SAMD5: variants seen among roughly 807,000 people sequenced by gnomAD.
The protein encoded by SAMD5 is sterile alpha motif domain-containing protein 5.
A neutral mutation model predicts 11.3 loss-of-function variants in SAMD5; 13 were observed. The observed-to-expected ratio is 1.15, with a 90% CI of 0.75 to 1.83. SAMD5 has a LOEUF of 1.83. Among genes scored for constraint, SAMD5 ranks in the 40% most tolerant of loss-of-function variants. The probability of loss-of-function intolerance (pLI) is 0.00; values close to 1 mark genes in which losing one functional copy is unlikely to be tolerated. For missense variants in SAMD5, 255 were observed against 239.1 expected (o/e 1.07, Z -0.44); for synonymous variants, 129 against 111.3 (o/e 1.16, Z -1.00).
the SAMD5 span, among the ~76,000 whole-genome samples, chr6:147,891,270 A>T: frequency 6.6e-6 from 1 of 152,336 alleles, no homozygotes; most frequent in Admixed American, 6.5e-5. Flanking sequence ...AGAATAGTCT[A>T]TGTATTATTT....
intron 1 of SAMD5, among the ~76,000 whole-genome samples, chr6:147,638,217 A>G (rs548066652): frequency 6.6e-6 from 1 of 152,268 alleles, no homozygotes; most frequent in East Asian, 1.9e-4. Flanking sequence ...CTGAAAATGC[A>G]TTGCTTCTCG....
chr6:147,715,509 C>G (rs1791453565), intron 1 of SAMD5, among the ~76,000 whole-genome samples: 3 of 151,836 alleles, frequency 2.0e-5, no homozygotes, highest in Non-Finnish European at 4.4e-5. Context: ...CAGGAGCTGC[C>G]TTGTTCAGGG....
At chr6:147,800,597 C>T in the SAMD5 span, among the ~76,000 whole-genome samples, 4 of 152,210 alleles carry the variant, frequency 2.6e-5, no homozygotes, top group African/African-American at 4.8e-5. Context: ...TGGGCTCCAC[C>T]CAGTTCGAGC....
the SAMD5 span, among the ~76,000 whole-genome samples, chr6:147,826,241 T>C: frequency 2.0e-5 from 3 of 152,238 alleles, no homozygotes; most frequent in African/African-American, 7.2e-5. Flanking sequence ...GAGCTTTCTA[T>C]TGAGTTTAGT....
chr6:147,680,250 T>C (rs112526627), intron 1 of SAMD5, among the ~76,000 whole-genome samples: 2,090 of 152,224 alleles, frequency 0.014, 46 homozygotes, highest in African/African-American at 0.048. Flanking sequence ...AGGTCTTGCT[T>C]ATTTTTTGTC....
chr6:147,682,836 T>C (rs1429151532), intron 1 of SAMD5, among the ~76,000 whole-genome samples: 2 of 152,204 alleles, frequency 1.3e-5, no homozygotes, highest in Admixed American at 1.3e-4. Context: ...GTTTCTTATA[T>C]ATTTTGAGAC....
the SAMD5 span, among the ~76,000 whole-genome samples, chr6:147,767,610 GCTCT>G: frequency 6.6e-6 from 1 of 152,082 alleles, no homozygotes; most frequent in African/African-American, 2.4e-5. Flanking sequence ...GGGCATGAGA[GCTCT>G]CTCTCTCCAT....
intron 1 of SAMD5, among the ~76,000 whole-genome samples, chr6:147,578,101 T>C (rs914080214): frequency 1.3e-5 from 2 of 152,180 alleles, no homozygotes; most frequent in African/African-American, 2.4e-5. Context: ...AAGTTATATA[T>C]AGTAGAGAGA....
the SAMD5 span, among the ~76,000 whole-genome samples, chr6:147,841,822 T>C: frequency 6.6e-6 from 1 of 152,178 alleles, no homozygotes; most frequent in Non-Finnish European, 1.5e-5. Context: ...AGCACCTCAG[T>C]AGGCAATTTC....
intron 1 of SAMD5, among the ~76,000 whole-genome samples, chr6:147,721,225 G>T (rs1372600774): frequency 3.4e-5 from 5 of 148,954 alleles, no homozygotes; most frequent in East Asian, 4.0e-4. Flanking sequence ...GTAATGGGAT[G>T]GCTGGGTCAA....
chr6:147,538,963 T>C (rs549435530), intron 1 of SAMD5, among the ~76,000 whole-genome samples: 3 of 152,180 alleles, frequency 2.0e-5, no homozygotes, highest in Non-Finnish European at 4.4e-5. Context: ...ACAACACATA[T>C]ACATACAGGC....
the SAMD5 span, among the ~76,000 whole-genome samples, chr6:147,893,445 G>T: frequency 1.3e-5 from 2 of 152,106 alleles, no homozygotes; most frequent in African/African-American, 4.8e-5. Context: ...TTATTATATA[G>T]AAATTTAAAA....
chr6:147,800,400 C>T, the SAMD5 span, among the ~76,000 whole-genome samples: 2 of 152,010 alleles, frequency 1.3e-5, no homozygotes, highest in African/African-American at 2.4e-5. Context: ...GGGTCAGGGA[C>T]CCACTTGAGG....
chr6:147,532,001 A>C (rs1393961077), intron 1 of SAMD5, among the ~76,000 whole-genome samples: 1 of 152,184 alleles, frequency 6.6e-6, no homozygotes, highest in Non-Finnish European at 1.5e-5. Context: ...ATAGAATAGG[A>C]TCACAAAAGA....
chr6:147,682,179 A>T (rs1217628754), intron 1 of SAMD5, among the ~76,000 whole-genome samples: 1 of 152,198 alleles, frequency 6.6e-6, no homozygotes, highest in African/African-American at 2.4e-5. Flanking sequence ...CATGGCCTGG[A>T]AATTCTTCCT....
intron 1 of SAMD5, among the ~76,000 whole-genome samples, chr6:147,525,864 A>G (rs1443710770): frequency 1.3e-5 from 2 of 152,118 alleles, no homozygotes; most frequent in Non-Finnish European, 2.9e-5. Flanking sequence ...ACAACCAAGA[A>G]AGCCAGCATG....
intron 1 of SAMD5, among the ~76,000 whole-genome samples, chr6:147,536,474 A>T (rs7743767): frequency 0.61 from 92,348 of 152,010 alleles, 28,750 homozygotes; most frequent in African/African-American, 0.73. Context: ...TTTTTGACTT[A>T]GAAAACAAAA....
chr6:147,713,697 G>A (rs1278863323), intron 1 of SAMD5, among the ~76,000 whole-genome samples: 1 of 152,134 alleles, frequency 6.6e-6, no homozygotes, highest in Admixed American at 6.5e-5. Context: ...CACAGAGTAT[G>A]GGGTAGAAGC....
intron 1 of SAMD5, among the ~76,000 whole-genome samples, chr6:147,629,693 A>G (rs1168795624): frequency 6.6e-6 from 1 of 152,198 alleles, no homozygotes; most frequent in Non-Finnish European, 1.5e-5. Context: ...TTACTCTGTC[A>G]GACATAGTGC....
Sources: gnomAD v4.1 joint callset for allele counts (sites outside exome capture counted in the v4.1 genomes callset) on GRCh38, gnomAD v4.1.1 for gene constraint, MANE v1.5 for transcripts, NCBI Gene and HGNC (gene_info 2026-07-23, HGNC 2026-07-21) for gene names.